Variants in PARP10 observed in about 807,000 individuals in gnomAD.
PARP10 encodes poly(ADP-ribose) polymerase family member 10.
PARP10 carries 56 observed loss-of-function variants against 82.4 expected under a neutral mutation model. The ratio of observed to expected loss-of-function variants is 0.68; its 90% CI spans 0.55 to 0.85. The LOEUF is 0.85. Ranked by LOEUF, PARP10 falls within the 40% of genes least tolerant of loss-of-function variation. The pLI, the probability that PARP10 is intolerant of heterozygous loss-of-function variation, is 0.00. For missense variants in PARP10, 1,227 were observed against 1,379.4 expected, an observed-to-expected ratio of 0.89 and a Z score of 1.75; for synonymous variants, 576 against 601.1, an observed-to-expected ratio of 0.96 and a Z score of 0.61.
At chr8:144,009,797 G>C (rs782538942) in intron 1 of PARP10, among the ~76,000 whole-genome samples, 1 of 151,952 alleles carries the variant, frequency 6.6e-6, no homozygotes, top group Non-Finnish European at 1.5e-5. Flanking sequence ...CCTCGTTCTC[G>C]CCTTCATCCT....
At chr8:143,997,304 C>G (rs1228480800) in intron 1 of PARP10, among the ~76,000 whole-genome samples, 1 of 152,204 alleles carries the variant, frequency 6.6e-6, no homozygotes, top group Admixed American at 6.5e-5. Flanking sequence ...TCATCCACAT[C>G]TCTTGCCCTT....
In PARP10 at chr8:143,984,407, G is replaced by A. The variant is rs1833936092; in HGVS notation, c.1483C>T (p.Gln495Ter). ...CTCCGCAGAAACTCCTCAGCCGCCT[G>A]GCAGGAAGCCTGGGCTCCACAGAGC... ...FRLCGAQASCQAAEEFLRSLL... is the reference protein window; with the variant it reads ...FRLCGAQASC Residue 495 changes from glutamine (Q) to a stop codon, truncating the protein, a stop_gained, in exon 6 of 11, where the codon CAG becomes TAG. Transcript: ENST00000313028. LOFTEE classifies it high-confidence loss of function. The A allele has an allele frequency of 6.2e-7, 1 of 1,610,868 alleles. No individual in the cohort carries two copies. Among genetic ancestry groups the A allele is most frequent in the Non-Finnish European group, 8.5e-7 (1 of 1,179,216 alleles).
chr8:143,977,848 G>A lies in PARP10; in HGVS notation c.2732-18C>T. 6.3e-7 allele frequency: 1 copy of A among 1,597,570 alleles called. No individual in the cohort carries two copies. The highest frequency in any genetic ancestry group is 8.5e-7 in the Non-Finnish European group (1 of 1,173,352). The stretch of plus-strand genomic sequence containing the variant: ...GACCGTGGCTGCAGGGCGAGACGGG[G>A]CAAGGTCAGGGTGGTCGGGGTGCGC... On this transcript the variant is annotated intron_variant, in intron 10 of 10. Coordinates refer to ENST00000313028, the MANE Select transcript of PARP10 (RefSeq NM_032789.5).
Position 143,985,599 on chromosome 8 carries a change from G to C in PARP10, c.486C>G (p.Thr162=). The part of the protein sequence containing the change: ...EQAQNLGLEG[T]LVSLARVPQA... ...GGGGAACCCGGGCCAGGGACACCAA[G>C]GTCCCCTCCAGGCCCAGATTCTGGG... Residue 162 remains threonine (T), a synonymous_variant, in exon 4 of 11, where the codon ACC becomes ACG. Coordinates refer to ENST00000313028, the MANE Select transcript of PARP10 (RefSeq NM_032789.5). The C allele has an allele frequency of 6.2e-7, 1 of 1,614,004 alleles. No individual in the cohort carries two copies. The highest frequency in any genetic ancestry group is 8.5e-7 in the Non-Finnish European group (1 of 1,180,010).
At chr8:143,996,377 A>C (rs544939173) in intron 1 of PARP10, among the ~76,000 whole-genome samples, 1 of 152,348 alleles carries the variant, frequency 6.6e-6, no homozygotes, top group East Asian at 1.9e-4. Flanking sequence ...CCCACCCTGC[A>C]AAGCAACGCT....
At chr8:143,980,011 C>CA (rs1175660825) in intron 9 of PARP10, among the ~76,000 whole-genome samples, 2,467 of 32,650 alleles carry the variant, frequency 0.076, 194 homozygotes, top group African/African-American at 0.19. Flanking sequence ...GACTCCGTCT[C>CA]AAAAAAAAAA....
intron 1 of PARP10, among the ~76,000 whole-genome samples, chr8:143,997,724 T>C (rs1834173308): frequency 6.6e-6 from 1 of 151,888 alleles, no homozygotes; most frequent in Non-Finnish European, 1.5e-5. Flanking sequence ...CTCTTTTTTT[T>C]CCCAGCAGTA....
Position 143,986,384 on chromosome 8 carries a change from A to T in PARP10, c.-25T>A. 6.2e-7 allele frequency: 1 copy of T among 1,614,128 alleles called. No homozygotes were observed. Among genetic ancestry groups the T allele is most frequent in the Non-Finnish European group, 8.5e-7 (1 of 1,179,996 alleles). ...TTCCCCGTGGCCGCTAGGCAGCCTC[A>T]GGCCATGAGCTCAGCCAGGACTCCT... is the stretch of plus-strand genomic sequence containing the variant. On this transcript the variant is annotated 5_prime_UTR_variant, in exon 1 of 11. The change abolishes the stop of an existing upstream ORF in the 5' untranslated region. Transcript: ENST00000313028.
Position 143,984,553 on chromosome 8 carries a change from A to G in PARP10, c.1449T>C (p.Thr483=). Residue 483 remains threonine, a synonymous_variant, in exon 5 of 11, where the codon ACT becomes ACC. Coordinates refer to ENST00000313028, the MANE Select transcript of PARP10 (RefSeq NM_032789.5). ...ALLPLEGPDM[T]GFRLCGAQAS... Reference sequence around the variant, plus strand: ...CTGAGGGGTCACTCACCCGAAAGCCAGTCATATCCGGTCCTTCAAGTGGCA... The same window carrying G: ...CTGAGGGGTCACTCACCCGAAAGCCGGTCATATCCGGTCCTTCAAGTGGCA... 6.2e-7 allele frequency: 1 copy of G among 1,609,968 alleles called. No individual in the cohort carries two copies. Among genetic ancestry groups the G allele is most frequent in the Non-Finnish European group, 8.5e-7 (1 of 1,177,846 alleles).
chr8:143,991,184 T>C (rs1423947747), upstream of PARP10: 2 of 1,483,458 alleles, frequency 1.3e-6, no homozygotes, highest in Non-Finnish European at 9.1e-7. Flanking sequence ...CACTGTTCCT[T>C]GTCTGTCTTC....
chr8:143,986,441 G>A lies in PARP10; in HGVS notation c.-82C>T. The stretch of plus-strand genomic sequence containing the variant: ...GCCCCTCAGCAAGCCTAACCCTGCT[G>A]GGAGCAGGAAAACAAAAGTGAAACT... On this transcript the variant is annotated 5_prime_UTR_variant, in exon 1 of 11. Coordinates refer to ENST00000313028, the MANE Select transcript of PARP10 (RefSeq NM_032789.5). 1.9e-6 allele frequency: 3 copies of A among 1,609,328 alleles called. No homozygotes were observed. Among genetic ancestry groups the A allele is most frequent in the Admixed American group, 1.7e-5 (1 of 59,842 alleles).
rs1833713684 is a variant in PARP10, at chr8:143,977,387, G to C, written c.*97C>G. ...CGCAGAGGGAGGCAGGGGCGTCCCC[G>C]GGGACAGCTCAGGCGGCCACAGTTG... is the stretch of plus-strand genomic sequence containing the variant. On this transcript the variant is annotated 3_prime_UTR_variant, in exon 11 of 11. Transcript: ENST00000313028. The C allele has an allele frequency of 5.8e-6, 7 of 1,197,930 alleles. No homozygotes were observed. The highest frequency in any genetic ancestry group is 8.0e-6 in the Non-Finnish European group (7 of 880,092). 74.2% of individuals were successfully genotyped at this position (1,197,930 alleles called of 1,614,324 possible).
At chr8:143,991,527 G>T, upstream of PARP10, 18 of 1,549,112 alleles carry the variant, frequency 1.2e-5, no homozygotes, top group Non-Finnish European at 1.6e-5. Context: ...CTACCCCCAG[G>T]GGCCATATCC....
intron 9 of PARP10, among the ~76,000 whole-genome samples, chr8:143,981,231 G>T (rs545878875): frequency 1.3e-5 from 2 of 152,182 alleles, no homozygotes; most frequent in Non-Finnish European, 2.9e-5. Flanking sequence ...GAGCGGTGAC[G>T]GTGTGTTGGT....
chr8:143,996,881 T>C (rs1834168367), intron 1 of PARP10, among the ~76,000 whole-genome samples: 1 of 152,120 alleles, frequency 6.6e-6, no homozygotes, highest in African/African-American at 2.4e-5. Context: ...GAACTGTATA[T>C]TGTAGGCAGT....
intron 1 of PARP10, among the ~76,000 whole-genome samples, chr8:144,003,605 C>G (rs1161277048): frequency 6.6e-6 from 1 of 152,128 alleles, no homozygotes; most frequent in Non-Finnish European, 1.5e-5. Context: ...TGACAGAAAA[C>G]AGTCCCAGGC....
rs1330561618 is a variant in PARP10 at position 143,985,558 on chromosome 8, C to T, written c.527G>A (p.Arg176His). 5.0e-6 allele frequency: 8 copies of T among 1,613,916 alleles called. No homozygotes were observed. The Admixed American group carries it at 5.0e-5, about 10-fold the overall frequency. Residue 176 changes from arginine (R) to histidine (H), a missense_variant, in exon 4 of 11, where the codon CGT becomes CAT. Arg to His is a conservative substitution (Grantham distance 29). Coordinates refer to ENST00000313028, the MANE Select transcript of PARP10 (RefSeq NM_032789.5). ...CACAGAGGCACCATCCCCCACCACA[C>T]GCACCGCTCGGGCCTGGGGAACCCG... ...LARVPQARAV[R>H]VVGDGASVDL...
chr8:143,998,164 A>G lies in PARP10; in HGVS notation c.-79-11726T>C, dbSNP rs549917924. Among the ~76,000 whole-genome samples, 11 of 152,196 alleles carry G rather than the reference A, an allele frequency of 7.2e-5. No individual in the cohort carries two copies. The East Asian group carries it at 9.6e-4, about 13-fold the overall frequency. On this transcript the variant is annotated intron_variant, in intron 1 of 3. Transcript: ENST00000530478. Reference sequence around the variant, plus strand: ...ATGTAATAAATAAATGTAAAGAGAGACCCCTCAACTGTGAGGAAAGAGTTG... The same window carrying G: ...ATGTAATAAATAAATGTAAAGAGAGGCCCCTCAACTGTGAGGAAAGAGTTG...
At chr8:143,981,327 A>G (rs1442070953) in intron 9 of PARP10, among the ~76,000 whole-genome samples, 3 of 123,128 alleles carry the variant, frequency 2.4e-5, no homozygotes, top group Admixed American at 8.0e-5. Context: ...GATGGTGGTG[A>G]CGACAGTGAG....
Sources: allele counts gnomAD v4.1 joint callset (sites outside exome capture counted in the v4.1 genomes callset), GRCh38; gene constraint gnomAD v4.1.1; transcripts MANE v1.5; gene names NCBI Gene and HGNC (gene_info 2026-07-23, HGNC 2026-07-21).